The following C15orf39 variants were observed in gnomAD, a reference collection of about 807,000 sequenced individuals.
C15orf39 encodes the protein uncharacterized protein C15orf39.
A neutral mutation model predicts 53.9 loss-of-function variants in C15orf39; 24 were observed. That is an observed-to-expected ratio of 0.45 (90% CI 0.32 to 0.63). The LOEUF (loss-of-function observed/expected upper bound fraction) is 0.63, where lower values mean the gene tolerates loss of function less well. Among genes scored for constraint, C15orf39 ranks in the 20% least tolerant of loss-of-function variants. The pLI is 0.04. For synonymous variants in C15orf39, 569 were observed against 576.5 expected, an observed-to-expected ratio of 0.99 and a Z score of 0.19; for missense variants, 1,271 against 1,347.9, an observed-to-expected ratio of 0.94 and a Z score of 0.89.
At chr15:75,202,082 G>T (rs1003661873) in intron 1 of C15orf39, 23 bp downstream of exon 1, 1 of 152,048 alleles carries the variant, frequency 6.6e-6, no homozygotes, top group Non-Finnish European at 1.5e-5. Context: ...CCGCTCGGCG[G>T]GCGCGGAAAC....
upstream of C15orf39, among the ~76,000 whole-genome samples, chr15:75,201,672 C>T (rs888686509): frequency 2.6e-5 from 4 of 152,218 alleles, no homozygotes; most frequent in East Asian, 1.9e-4. The surrounding 1 kb of genome is among the most constrained non-coding windows in gnomAD (Gnocchi z 4.7). Context: ...GGGCGCGTGA[C>T]GGGCCCGCCG....
At position 75,206,437 on chromosome 15, in the gene C15orf39, C is replaced by T; in HGVS notation, c.389C>T (p.Pro130Leu). The T allele has an allele frequency of 6.2e-7, 1 of 1,614,028 alleles. No individual in the cohort carries two copies. The highest frequency in any genetic ancestry group is 8.5e-7 in the Non-Finnish European group (1 of 1,179,946). ...HSYPGPPLAA[P>L]KPVYRNPLCY... ...TACCCAGGCCCACCACTGGCAGCAC[C>T]CAAACCTGTCTACCGCAACCCTCTG... Residue 130 changes from proline (P) to leucine (L), a missense_variant, in exon 2 of 3, where the codon CCC (proline) becomes CTC (leucine). By Grantham distance (98) the Pro-to-Leu change is moderately conservative (BLOSUM62 -3). Coordinates refer to ENST00000394987, the MANE Select transcript of C15orf39 (RefSeq NM_015492.5).
Position 75,207,500 on chromosome 15 carries a change from G to C in C15orf39, c.1452G>C (p.Gln484His). ...PALPPCARECQSLPQKEGARP... is the reference protein window; with the variant it reads ...PALPPCARECHSLPQKEGARP... The stretch of plus-strand genomic sequence containing the variant: ...TGCCCCCCTGTGCCCGGGAGTGCCA[G>C]TCTCTTCCACAGAAGGAGGGCGCAA... The change falls in exon 2 of 3, where the codon CAG becomes CAC. Residue 484 changes from glutamine (Q) to histidine (H), a missense_variant. By Grantham distance (24) the Gln-to-His change is conservative. Around this residue, in one of 2 missense-constraint regions of C15orf39, gnomAD observed 994 missense variants for 993.7 expected, o/e 1.00. Transcript: ENST00000394987. 6.2e-7 allele frequency: 1 copy of C among 1,613,552 alleles called. No individual in the cohort carries two copies. Among genetic ancestry groups the C allele is most frequent in the Non-Finnish European group, 8.5e-7 (1 of 1,179,964 alleles).
In C15orf39 at chr15:75,207,385, G is replaced by T. The variant is rs1167171203; in HGVS notation, c.1337G>T (p.Arg446Met). 1.2e-6 allele frequency: 2 copies of T among 1,613,330 alleles called. No individual in the cohort carries two copies. The highest frequency in any genetic ancestry group is 3.3e-5 in the Admixed American group (2 of 60,012). ...GAGAAGACCTGGCTGCCCAGCTGCA[G>T]GAAAGAGAAGCTCCAGCCCCGGCTC... ...AEEKTWLPSC[R>M]KEKLQPRLSE... Residue 446 changes from arginine (R) to methionine (M), a missense_variant, in exon 2 of 3, where the codon AGG (arginine) becomes ATG (methionine). Physicochemically the swap from Arg to Met is moderately conservative, Grantham distance 91 (BLOSUM62 -1). Coordinates refer to ENST00000394987, the MANE Select transcript of C15orf39 (RefSeq NM_015492.5).
chr15:75,204,761 C>T (rs556781266), intron 1 of C15orf39, among the ~76,000 whole-genome samples: 5 of 152,206 alleles, frequency 3.3e-5, no homozygotes, highest in African/African-American at 1.2e-4. Flanking sequence ...CCGCACACCT[C>T]GGCTTCCCAA....
chr15:75,211,181 G>A lies in C15orf39; in HGVS notation c.*65G>A. On this transcript the variant is annotated 3_prime_UTR_variant, in exon 3 of 3. Transcript: ENST00000394987. The stretch of plus-strand genomic sequence containing the variant: ...ACCCTTCCCTTCTGCCTGCCCAGCT[G>A]CCCCGGGGCCACGAGTGGATGCTGG... The A allele has an allele frequency of 6.6e-7, 1 of 1,518,922 alleles. No homozygotes were observed. The highest frequency in any genetic ancestry group is 1.4e-5 in the African/African-American group (1 of 73,080). The allele number at this position is 1,518,922 out of a possible 1,614,324, so 94.1% of individuals were successfully genotyped here. A position where few individuals can be genotyped will look rare whatever the true frequency, so the allele number is the denominator to read the frequency against.
chr15:75,208,428 C>T lies in C15orf39; in HGVS notation c.2380C>T (p.Leu794=), dbSNP rs1225978818. ...TCCTCCAGAGAAGCTTCGCGAGTGG[C>T]TAGAGACGGCTGGGCCCTGGGGCCA... ...HSPPEKLREW[L]ETAGPWGQAA... Residue 794 remains leucine, a synonymous_variant, in exon 2 of 3, where the codon CTA becomes TTA. Transcript: ENST00000394987. 2.5e-6 allele frequency: 4 copies of T among 1,605,770 alleles called. No individual in the cohort carries two copies. In the African/African-American group the frequency reaches 4.0e-5, roughly 16 times the overall value.
In C15orf39 at chr15:75,207,943, C is replaced by T; in HGVS notation, c.1895C>T (p.Pro632Leu). 1 of 1,613,852 alleles carries T rather than the reference C, an allele frequency of 6.2e-7. No homozygotes were observed. The highest frequency in any genetic ancestry group is 8.5e-7 in the Non-Finnish European group (1 of 1,180,028). The change falls in exon 2 of 3, where the codon CCA (proline) becomes CTA (leucine). Residue 632 changes from proline to leucine, a missense_variant. Coordinates refer to ENST00000394987, the MANE Select transcript of C15orf39 (RefSeq NM_015492.5). The part of the protein sequence containing the change: ...DTEAPGLPGV[P>L]VTTDAMPRTN... ...GAAGCACCAGGCTTGCCTGGGGTGC[C>T]AGTGACCACAGATGCCATGCCAAGG... is the stretch of plus-strand genomic sequence containing the variant.
chr15:75,203,568 G>A (rs973698082), intron 1 of C15orf39, among the ~76,000 whole-genome samples: 2 of 152,126 alleles, frequency 1.3e-5, no homozygotes, highest in African/African-American at 2.4e-5. Flanking sequence ...CCCTGAAGCC[G>A]CCACCCCTCC....
At chr15:75,202,747 G>T (rs1051028726) in intron 1 of C15orf39, among the ~76,000 whole-genome samples, 1 of 152,260 alleles carries the variant, frequency 6.6e-6, no homozygotes, top group Non-Finnish European at 1.5e-5. Flanking sequence ...CTGGAATGGC[G>T]TGTGTGCAGA....
rs2070440185 is a variant in C15orf39, at chr15:75,206,600, G to C, written c.552G>C (p.Gln184His). The C allele has an allele frequency of 6.2e-7, 1 of 1,613,874 alleles. No individual in the cohort carries two copies. The highest frequency in any genetic ancestry group is 8.5e-7 in the Non-Finnish European group (1 of 1,179,924). Residue 184 changes from glutamine (Q) to histidine (H), a missense_variant, in exon 2 of 3, where the codon CAG becomes CAC. Around this residue, in one of 2 missense-constraint regions of C15orf39, gnomAD observed 994 missense variants for 993.7 expected, o/e 1.00. Coordinates refer to ENST00000394987, the MANE Select transcript of C15orf39 (RefSeq NM_015492.5). ...TGGCCCCAGCTCCTAGCAAGGGCCA[G>C]ACTCTGGATGGCACCTTCTTGCGGG... Reference protein sequence around the residue: ...CSLAPAPSKGQTLDGTFLRGV... With the variant: ...CSLAPAPSKGHTLDGTFLRGV...
At chr15:75,201,046 C>T (rs1229519317), upstream of C15orf39, among the ~76,000 whole-genome samples, 2 of 152,156 alleles carry the variant, frequency 1.3e-5, no homozygotes, top group African/African-American at 2.4e-5. The surrounding 1 kb of genome is among the most constrained non-coding windows in gnomAD (Gnocchi z 4.7). Flanking sequence ...CCCTCCCCTT[C>T]CCCACTGCAC....
Position 75,208,543 on chromosome 15 carries a change from C to T in C15orf39, c.2495C>T (p.Pro832Leu). The change falls in exon 2 of 3, where the codon CCC (proline) becomes CTC (leucine). Residue 832 changes from proline (P) to leucine (L), a missense_variant. By Grantham distance (98) the Pro-to-Leu change is moderately conservative. Coordinates refer to ENST00000394987, the MANE Select transcript of C15orf39 (RefSeq NM_015492.5). Reference sequence around the variant, plus strand: ...CGCTTCGATCGCACCCACCGGTGCCCCTTCCCCCATGTGGTGCGAGCTGGC... The same window carrying T: ...CGCTTCGATCGCACCCACCGGTGCCTCTTCCCCCATGTGGTGCGAGCTGGC... ...LQRFDRTHRC[P>L]FPHVVRAGAI... 6.3e-7 allele frequency: 1 copy of T among 1,575,048 alleles called. No homozygotes were observed. The highest frequency in any genetic ancestry group is 8.6e-7 in the Non-Finnish European group (1 of 1,161,592).
chr15:75,206,026 GA>G lies in C15orf39; in HGVS notation c.-22del. The G allele has an allele frequency of 6.4e-7, 1 of 1,555,356 alleles. No individual in the cohort carries two copies. The highest frequency in any genetic ancestry group is 1.4e-5 in the African/African-American group (1 of 73,386). ...CAGAAGTTGAGTAGCAGGGGCCTAG[GA>G]GGGCTCGAAGCCTTCACAGCGATGG... On this transcript the variant is annotated 5_prime_UTR_variant, in exon 2 of 3. Transcript: ENST00000394987.
In C15orf39 at chr15:75,208,780, A is replaced by G; in HGVS notation, c.2732A>G (p.Asp911Gly). The change falls in exon 2 of 3, where the codon GAC becomes GGC. Residue 911 changes from aspartate (D) to glycine (G), a missense_variant. By Grantham distance (94) the Asp-to-Gly change is moderately conservative. This residue lies in a region of C15orf39 where 277 missense variants were observed against 354.1 expected (regional missense o/e 0.78). Transcript: ENST00000394987. ...CGCCAGCTGCCGGACATTTACCCCG[A>G]CCTTCTCGGCCTGCAGTGGCGCGAC... is the stretch of plus-strand genomic sequence containing the variant. ...ALRQLPDIYP[D>G]LLGLQWRDCV... The G allele has an allele frequency of 6.2e-7, 1 of 1,607,528 alleles. No homozygotes were observed. Among genetic ancestry groups the G allele is most frequent in the East Asian group, 2.2e-5 (1 of 44,854 alleles).
At chr15:75,204,311 T>C (rs2070423572) in intron 1 of C15orf39, among the ~76,000 whole-genome samples, 1 of 152,234 alleles carries the variant, frequency 6.6e-6, no homozygotes, top group Non-Finnish European at 1.5e-5. Flanking sequence ...CCTAACGGGT[T>C]ACTGGGTGCC....
chr15:75,202,503 C>T (rs1252080744), intron 1 of C15orf39: 1 of 152,504 alleles, frequency 6.6e-6, no homozygotes, highest in African/African-American at 2.4e-5. Flanking sequence ...CCTGGACGCG[C>T]CCTGCTGGGA....
chr15:75,206,624 G>A lies in C15orf39; in HGVS notation c.576G>A (p.Arg192=). The A allele has an allele frequency of 6.2e-7, 1 of 1,613,778 alleles. No individual in the cohort carries two copies. The highest frequency in any genetic ancestry group is 8.5e-7 in the Non-Finnish European group (1 of 1,179,952). The change falls in exon 2 of 3, where the codon CGG becomes CGA. Residue 192 remains arginine, a synonymous_variant. Coordinates refer to ENST00000394987, the MANE Select transcript of C15orf39 (RefSeq NM_015492.5). ...AGACTCTGGATGGCACCTTCTTGCGGGGGGTGCCAGCTGAGGGGTCCAGTA... is the reference window on the plus strand; with the variant it reads ...AGACTCTGGATGGCACCTTCTTGCGAGGGGTGCCAGCTGAGGGGTCCAGTA... The part of the protein sequence containing the change: ...KGQTLDGTFL[R]GVPAEGSSKD...
chr15:75,210,732 A>G lies in C15orf39; in HGVS notation c.2777-17A>G, dbSNP rs1382791530. On this transcript the variant is annotated splice_polypyrimidine_tract_variant and intron_variant, in intron 2 of 2. Transcript: ENST00000394987. ...AGGGTATGGGGTCTGCAGGCTGACT[A>G]TGTGTTCGTTTTCCAGGTGACTTTG... The G allele has an allele frequency of 8.8e-6, 14 of 1,589,956 alleles. 1 individual carries two copies. The East Asian group carries it at 9.0e-5, about 10-fold the overall frequency.
Sources: gnomAD v4.1 joint callset for allele counts (sites outside exome capture counted in the v4.1 genomes callset) on GRCh38, gnomAD v4.1.1 for gene constraint, gnomAD v4.1.1 regional missense constraint, Gnocchi (gnomAD v3.1) non-coding constraint, MANE v1.5 for transcripts, NCBI Gene and HGNC (gene_info 2026-07-23, HGNC 2026-07-21) for gene names.